The following MEOX2 variants were observed in gnomAD, a reference collection of about 807,000 sequenced individuals.
The protein encoded by MEOX2 is mesenchyme homeobox 2, also known as homeobox protein MOX-2.
MEOX2 carries 11 observed loss-of-function variants against 27.0 expected under a neutral mutation model. That is an observed-to-expected ratio of 0.41 (90% confidence interval 0.26 to 0.68). The LOEUF is 0.68. Among genes scored for constraint, MEOX2 ranks in the 30% least tolerant of loss-of-function variants. The pLI, the probability that MEOX2 is intolerant of heterozygous loss-of-function variation, is 0.33. For missense variants in MEOX2, 436 were observed against 385.4 expected, an observed-to-expected ratio of 1.13 and a Z score of -1.10; for synonymous variants, 189 against 155.4, an observed-to-expected ratio of 1.22 and a Z score of -1.61.
At chr7:15,661,012 C>CAAAAAAAAAAAAAAAAAAAAAAAAAAAAA (rs71004402) in intron 1 of MEOX2, among the ~76,000 whole-genome samples, 1 of 44,334 alleles carries the variant, frequency 2.3e-5, no homozygotes, top group Admixed American at 3.8e-4. Context: ...GACTCAGTCT[C>CAAAAAAAAAAAAAAAAAAAAAAAAAAAAA]AAAAAAAAAA....
chr7:15,622,617 A>G (rs1361892552), intron 2 of MEOX2, among the ~76,000 whole-genome samples: 2 of 152,210 alleles, frequency 1.3e-5, no homozygotes, highest in Middle Eastern at 3.2e-3. Flanking sequence ...CTATAATTAG[A>G]TATTTTACAT....
chr7:15,676,873 G>T (rs1037274119), intron 1 of MEOX2, among the ~76,000 whole-genome samples: 12 of 150,958 alleles, frequency 7.9e-5, no homozygotes, highest in African/African-American at 2.9e-4. Context: ...AAAAAAAAGA[G>T]TCCTCATTTT....
chr7:15,668,135 G>C (rs1782037920), intron 1 of MEOX2: 3 of 152,148 alleles, frequency 2.0e-5, no homozygotes, highest in Non-Finnish European at 4.4e-5. Flanking sequence ...AACAACAGGG[G>C]GTGGAAACTG....
At chr7:15,673,773 T>A (rs373173277) in intron 1 of MEOX2, among the ~76,000 whole-genome samples, 1 of 152,126 alleles carries the variant, frequency 6.6e-6, no homozygotes, top group African/African-American at 2.4e-5. Flanking sequence ...AGGCATAACA[T>A]GTCACTGGGG....
chr7:15,641,602 G>A (rs181496356), intron 1 of MEOX2, among the ~76,000 whole-genome samples: 1 of 152,186 alleles, frequency 6.6e-6, no homozygotes, highest in Admixed American at 6.5e-5. Flanking sequence ...GGGGCAGTTA[G>A]GCTATTTACA....
At chr7:15,617,192 C>T (rs1342276116) in intron 2 of MEOX2, among the ~76,000 whole-genome samples, 2 of 152,024 alleles carry the variant, frequency 1.3e-5, no homozygotes, top group Non-Finnish European at 2.9e-5. Context: ...CTAAAAATTT[C>T]AGTGACATAG....
intron 2 of MEOX2, among the ~76,000 whole-genome samples, chr7:15,615,681 C>T (rs1781113278): frequency 6.6e-6 from 1 of 151,966 alleles, no homozygotes; most frequent in Non-Finnish European, 1.5e-5. Flanking sequence ...GAAAATTTTA[C>T]TTCTCTCTAC....
intron 2 of MEOX2, among the ~76,000 whole-genome samples, chr7:15,623,762 G>A (rs1183503029): frequency 2.0e-5 from 3 of 152,216 alleles, no homozygotes; most frequent in East Asian, 1.9e-4. Context: ...GAATGAAATG[G>A]TGCAACCAGA....
At position 15,686,199 on chromosome 7, in the gene MEOX2, G is replaced by C. The variant is rs1562620122; in HGVS notation, c.204C>G (p.His68Gln). 6.9e-7 allele frequency: 1 copy of C among 1,444,748 alleles called. No individual in the cohort carries two copies. Among genetic ancestry groups the C allele is most frequent in the East Asian group, 2.4e-5 (1 of 42,470 alleles). The allele number at this position is 1,444,748 out of a possible 1,614,324, so 89.5% of individuals were successfully genotyped here. ...GGTGGTGGTGGTGGTGGTGGTGGTG[G>C]TGCCCCCTGTGATGCTGGCTGGCAA... ...GMFASQHHRG[H>Q]HHHHHHHHHH... Residue 68 changes from histidine to glutamine, a missense_variant, in exon 1 of 3, where the codon CAC (histidine) becomes CAG (glutamine). Physicochemically the swap from His to Gln is conservative, Grantham distance 24 (BLOSUM62 0). Transcript: ENST00000262041.
At chr7:15,672,601 G>A (rs902288989) in intron 1 of MEOX2, among the ~76,000 whole-genome samples, 3 of 151,952 alleles carry the variant, frequency 2.0e-5, no homozygotes, top group South Asian at 2.1e-4. Context: ...GAAAGTATCC[G>A]TAAATATTGG....
chr7:15,675,782 G>A (rs570520488), intron 1 of MEOX2, among the ~76,000 whole-genome samples: 20 of 152,144 alleles, frequency 1.3e-4, no homozygotes, highest in African/African-American at 4.1e-4. Flanking sequence ...GGTTGATGCC[G>A]TTGGACCCTT....
intron 1 of MEOX2, among the ~76,000 whole-genome samples, chr7:15,635,741 C>T (rs1054339965): frequency 1.3e-5 from 2 of 151,966 alleles, no homozygotes; most frequent in African/African-American, 4.8e-5. Context: ...GGAATTTACA[C>T]AGTGACTAGC....
chr7:15,618,673 TTC>T (rs1341036422), intron 2 of MEOX2, among the ~76,000 whole-genome samples: 2 of 151,898 alleles, frequency 1.3e-5, no homozygotes, highest in Non-Finnish European at 2.9e-5. Context: ...TAAATTTATA[TTC>T]TGATTTTTAT....
intron 1 of MEOX2, among the ~76,000 whole-genome samples, chr7:15,672,462 A>T (rs1782115306): frequency 6.6e-6 from 1 of 152,246 alleles, no homozygotes. Flanking sequence ...AAATATAGAC[A>T]TCTTACCTTT....
In MEOX2 at chr7:15,621,416, G is replaced by C. The variant is rs574508947; in HGVS notation, c.690+5330C>G. 3.3e-5 allele frequency among the ~76,000 whole-genome samples: 5 copies of C among 151,922 alleles called. No homozygotes were observed. The South Asian group carries it at 1.0e-3, about 32-fold the overall frequency. On this transcript the variant is annotated intron_variant, in intron 2 of 2. Coordinates refer to ENST00000262041, the MANE Select transcript of MEOX2 (RefSeq NM_005924.5). Reference sequence around the variant, plus strand: ...ATGAGCCTCTTTTTTTCCTTCTTTGGCCAGATGAAGTTCAAACAGAATTAT... The same window carrying C: ...ATGAGCCTCTTTTTTTCCTTCTTTGCCCAGATGAAGTTCAAACAGAATTAT...
chr7:15,617,767 T>A (rs968075265), intron 2 of MEOX2, among the ~76,000 whole-genome samples: 1 of 152,110 alleles, frequency 6.6e-6, no homozygotes, highest in African/African-American at 2.4e-5. Context: ...ATTTAGCACA[T>A]TGGGAATCAT....
chr7:15,639,411 T>C (rs753545819), intron 1 of MEOX2, among the ~76,000 whole-genome samples: 1 of 152,102 alleles, frequency 6.6e-6, no homozygotes, highest in Non-Finnish European at 1.5e-5. Context: ...TTGAATATTT[T>C]CTTCCAGTTT....
chr7:15,660,407 A>G (rs1168315439), intron 1 of MEOX2, among the ~76,000 whole-genome samples: 1 of 152,162 alleles, frequency 6.6e-6, no homozygotes, highest in Non-Finnish European at 1.5e-5. Context: ...CTTATTCTTT[A>G]AATCCTGTCC....
chr7:15,637,098 T>C (rs1448028970), intron 1 of MEOX2, among the ~76,000 whole-genome samples: 2 of 152,122 alleles, frequency 1.3e-5, no homozygotes, highest in South Asian at 4.1e-4. Flanking sequence ...TAAATTATAC[T>C]AGGAAAATAA....
Sources: allele counts gnomAD v4.1 joint callset (sites outside exome capture counted in the v4.1 genomes callset), GRCh38; gene constraint gnomAD v4.1.1; transcripts MANE v1.5; gene names NCBI Gene and HGNC (gene_info 2026-07-23, HGNC 2026-07-21).